Variants in ABHD18 observed in about 807,000 individuals in gnomAD.
The protein encoded by ABHD18 is cardiolipin-specific deacylase, mitochondrial.
In ABHD18, 55 loss-of-function variants were observed where a neutral mutation model predicts 65.9. The ratio of observed to expected loss-of-function variants is 0.84; its 90% CI spans 0.67 to 1.05. The LOEUF (loss-of-function observed/expected upper bound fraction) is 1.05, where lower values mean the gene tolerates loss of function less well. ABHD18 is among the 50% of genes least tolerant of loss of function. The pLI is 0.00. For missense variants in ABHD18, 533 were observed against 558.5 expected (o/e 0.95, Z 0.46); for synonymous variants, 181 against 180.2 (o/e 1.00, Z -0.04).
At chr4:128,005,445 A>G (rs1753439294) in intron 4 of ABHD18, among the ~76,000 whole-genome samples, 1 of 152,026 alleles carries the variant, frequency 6.6e-6, no homozygotes, top group Non-Finnish European at 1.5e-5. Context: ...AAGCAAATCA[A>G]CTTGTATGCA....
intron 1 of ABHD18, among the ~76,000 whole-genome samples, chr4:127,974,681 C>G (rs1321671017): frequency 6.6e-6 from 1 of 151,554 alleles, no homozygotes; most frequent in East Asian, 2.0e-4. Context: ...AAGTTCTGTT[C>G]TGAGATAAAT....
chr4:128,001,952 G>A (rs1752713885), intron 4 of ABHD18, among the ~76,000 whole-genome samples: 1 of 149,620 alleles, frequency 6.7e-6, no homozygotes, highest in Admixed American at 6.7e-5. Context: ...CTCCTGTTTT[G>A]TCTCCATTCT....
intron 4 of ABHD18, among the ~76,000 whole-genome samples, chr4:128,008,137 C>T (rs1196126611): frequency 6.6e-6 from 1 of 151,828 alleles, no homozygotes; most frequent in African/African-American, 2.4e-5. Flanking sequence ...TGGTGTGGGC[C>T]TGTACTCCTA....
rs747491673 is a variant in ABHD18, at chr4:128,011,814, G to C, written c.470+114G>C. 3 of 455,748 alleles carry C rather than the reference G, an allele frequency of 6.6e-6. 1 individual carries two copies. The highest frequency in any genetic ancestry group is 5.2e-5 in the East Asian group (1 of 19,266). The allele number at this position is 455,748 out of a possible 1,614,324, so 28.2% of individuals were successfully genotyped here. On this transcript the variant is annotated intron_variant, in intron 7 of 12. Coordinates refer to ENST00000645843, the MANE Select transcript of ABHD18 (RefSeq NM_001358451.3). ...AAATTGAATACCTAAATATTATGGGGGGGGGGAGTTCTGTTATGAAACTGT... is the reference window on the plus strand; with the variant it reads ...AAATTGAATACCTAAATATTATGGGCGGGGGGAGTTCTGTTATGAAACTGT...
rs1322560809 is a variant in ABHD18, at chr4:128,038,688, C to G, written c.*2875C>G. On this transcript the variant is annotated 3_prime_UTR_variant, in exon 13 of 13. Transcript: ENST00000645843. ...GGGGGACCACCTGAGGTTGGGAGTT[C>G]GAGACTAGCCTGACCAATATGGAGA... 1 of 151,952 alleles carries G rather than the reference C, an allele frequency of 6.6e-6. No individual in the cohort carries two copies. The highest frequency in any genetic ancestry group is 1.5e-5 in the Non-Finnish European group (1 of 68,016). The allele number at this position is 151,952 out of a possible 1,614,324, so 9.4% of individuals were successfully genotyped here.
chr4:128,031,930 G>T (rs528217087), intron 12 of ABHD18, among the ~76,000 whole-genome samples: 1 of 152,284 alleles, frequency 6.6e-6, no homozygotes, highest in South Asian at 2.1e-4. Flanking sequence ...ACAAAAATCC[G>T]TGACTACCTA....
At position 128,039,016 on chromosome 4, in the gene ABHD18, A is replaced by G. The variant is rs1167362241; in HGVS notation, c.*3203A>G. The G allele has an allele frequency of 6.6e-6, 1 of 151,178 alleles. No individual in the cohort carries two copies. Among genetic ancestry groups the G allele is most frequent in the Non-Finnish European group, 1.5e-5 (1 of 67,846 alleles). 9.4% of individuals were successfully genotyped at this position (151,178 alleles called of 1,614,324 possible). ...CTATTCCCCCCAAAATGGTGGCTTA[A>G]GTGTTCTCAAATACATAAATATACA... On this transcript the variant is annotated 3_prime_UTR_variant, in exon 13 of 13. Coordinates refer to ENST00000645843, the MANE Select transcript of ABHD18 (RefSeq NM_001358451.3).
chr4:128,012,104 G>A (rs1335275647), intron 7 of ABHD18, among the ~76,000 whole-genome samples: 2 of 151,796 alleles, frequency 1.3e-5, no homozygotes, highest in Non-Finnish European at 2.9e-5. Flanking sequence ...AGCCTCCCAA[G>A]TAGCTGGAAT....
At chr4:128,018,228 C>G (rs929235373) in intron 8 of ABHD18, among the ~76,000 whole-genome samples, 2 of 152,122 alleles carry the variant, frequency 1.3e-5, no homozygotes, top group African/African-American at 4.8e-5. Flanking sequence ...TCTGTTTTCT[C>G]CATGAAGCAT....
chr4:127,969,766 GA>G (rs1746366841), intron 1 of ABHD18, among the ~76,000 whole-genome samples: 1 of 147,642 alleles, frequency 6.8e-6, no homozygotes, highest in Non-Finnish European at 1.5e-5. Context: ...TTTTTTTTTG[GA>G]GACAGGATTT....
chr4:127,992,200 G>A (rs368684964), intron 4 of ABHD18, among the ~76,000 whole-genome samples: 7 of 152,028 alleles, frequency 4.6e-5, no homozygotes, highest in African/African-American at 7.2e-5. Context: ...GGCCGGGCAC[G>A]GTGTCTCACG....
intron 12 of ABHD18, among the ~76,000 whole-genome samples, chr4:128,032,272 A>C (rs1758322800): frequency 6.6e-6 from 1 of 152,246 alleles, no homozygotes; most frequent in South Asian, 2.1e-4. Flanking sequence ...AAGTGGAGTC[A>C]CTACTAAGCT....
chr4:127,985,774 C>A (rs952518547), intron 3 of ABHD18, among the ~76,000 whole-genome samples: 1 of 151,836 alleles, frequency 6.6e-6, no homozygotes. Context: ...GAGGCCAAGG[C>A]GGGCAGATCG....
intron 4 of ABHD18, among the ~76,000 whole-genome samples, chr4:128,004,414 T>C (rs1321580678): frequency 6.6e-6 from 1 of 151,144 alleles, no homozygotes. Context: ...ATCGCACCAC[T>C]GCACTCCAGC....
intron 4 of ABHD18, among the ~76,000 whole-genome samples, chr4:128,003,702 A>C (rs1283845893): frequency 2.0e-5 from 3 of 151,876 alleles, no homozygotes; most frequent in Non-Finnish European, 4.4e-5. Flanking sequence ...GTATATTTTA[A>C]TTTTTAAACA....
rs550966671 is a variant in ABHD18 at position 128,011,089 on chromosome 4, C to T, written c.443-584C>T. Among the ~76,000 whole-genome samples the T allele has an allele frequency of 2.0e-5, 3 of 151,510 alleles. 1 individual carries two copies. The East Asian group carries it at 5.8e-4, about 29-fold the overall frequency. ...AAATTTAAATTGAAGAGTGTACAAC[C>T]CTGTTAATTTACTGAAAACATTAAT... is the stretch of plus-strand genomic sequence containing the variant. On this transcript the variant is annotated intron_variant, in intron 6 of 12. Coordinates refer to ENST00000645843, the MANE Select transcript of ABHD18 (RefSeq NM_001358451.3).
intron 6 of ABHD18, among the ~76,000 whole-genome samples, chr4:128,010,082 C>T (rs919061671): frequency 3.3e-5 from 5 of 152,114 alleles, no homozygotes; most frequent in Admixed American, 1.3e-4. Flanking sequence ...TCAATTTTCT[C>T]ATTGATAAAT....
chr4:128,005,460 T>C (rs1444151425), intron 4 of ABHD18, among the ~76,000 whole-genome samples: 1 of 152,066 alleles, frequency 6.6e-6, no homozygotes, highest in African/African-American at 2.4e-5. Flanking sequence ...TATGCATTTT[T>C]CTTTCTTTTT....
At chr4:127,986,433 T>C (rs1749969459) in intron 3 of ABHD18, among the ~76,000 whole-genome samples, 1 of 152,264 alleles carries the variant, frequency 6.6e-6, no homozygotes, top group Non-Finnish European at 1.5e-5. Flanking sequence ...TTCTATTGTA[T>C]TGTATACCAC....
Sources: allele counts gnomAD v4.1 joint callset (sites outside exome capture counted in the v4.1 genomes callset), GRCh38; gene constraint gnomAD v4.1.1; transcripts MANE v1.5; gene names NCBI Gene and HGNC (gene_info 2026-07-23, HGNC 2026-07-21).